Variants in KRTAP24-1 observed in about 807,000 individuals in gnomAD.
KRTAP24-1 encodes keratin associated protein 24-1, also known as keratin-associated protein 24-1.
For missense variants in KRTAP24-1, 344 were observed against 303.2 expected, an observed-to-expected ratio of 1.13 and a Z score of -1.00; for synonymous variants, 133 against 116.3, an observed-to-expected ratio of 1.14 and a Z score of -0.92.
In KRTAP24-1 at chr21:30,282,647, T is replaced by C. The variant is rs755743009; in HGVS notation, c.286A>G (p.Asn96Asp). The change falls in exon 1 of 1, where the codon AAC (asparagine) becomes GAC (aspartate). Residue 96 changes from asparagine to aspartate, a missense_variant. Coordinates refer to ENST00000340345, the MANE Select transcript of KRTAP24-1 (RefSeq NM_001085455.3). ...AAGACTTGGCCTGCTGATGGGGAGT[T>C]GCAGGGCACAGAGGAGTTTGACGGG... ...CDPSNSSVPC[N>D]SPSAGQVFSV... 6 of 1,594,682 alleles carry C rather than the reference T, an allele frequency of 3.8e-6. No homozygotes were observed. Among genetic ancestry groups the C allele is most frequent in the Non-Finnish European group, 5.1e-6 (6 of 1,170,364 alleles).
In KRTAP24-1 at chr21:30,282,400, T is replaced by C; in HGVS notation, c.533A>G (p.Tyr178Cys). The C allele has an allele frequency of 6.2e-7, 1 of 1,614,146 alleles. No homozygotes were observed. Among genetic ancestry groups the C allele is most frequent in the Non-Finnish European group, 8.5e-7 (1 of 1,180,010 alleles). ...GCTGGGTATGAAGCAAGGATTTTGG[T>C]AGCTTTTATACCCCAAAGTACTCAA... ...CRLSTLGYKS[Y>C]QNPCFIPSYV... Residue 178 changes from tyrosine to cysteine, a missense_variant, in exon 1 of 1, where the codon TAC becomes TGC. Transcript: ENST00000340345.
chr21:30,282,087 A>C lies in KRTAP24-1; in HGVS notation c.*81T>G. ...ATTCTTAGGCTGAATAAAGAGATTC[A>C]GCAGAAAATTAGACGTTCTAGTACT... On this transcript the variant is annotated 3_prime_UTR_variant, in exon 1 of 1. Transcript: ENST00000340345. The C allele has an allele frequency of 7.5e-7, 1 of 1,336,258 alleles. No individual in the cohort carries two copies. The allele number at this position is 1,336,258 out of a possible 1,614,324, so 82.8% of individuals were successfully genotyped here. A position where few individuals can be genotyped will look rare whatever the true frequency, so the allele number is the denominator to read the frequency against.
rs1980698578 is a variant in KRTAP24-1, at chr21:30,281,463, A to G, written c.*705T>C. ...ACAGTATTTGTTCTTCTTTCAACAAATAATTTTCATGCTTTAGCTAATTCT... is the reference window on the plus strand; with the variant it reads ...ACAGTATTTGTTCTTCTTTCAACAAGTAATTTTCATGCTTTAGCTAATTCT... On this transcript the variant is annotated 3_prime_UTR_variant, in exon 1 of 1. Coordinates refer to ENST00000340345, the MANE Select transcript of KRTAP24-1 (RefSeq NM_001085455.3). 1.3e-5 allele frequency: 2 copies of G among 152,222 alleles called. No individual in the cohort carries two copies. The highest frequency in any genetic ancestry group is 1.3e-4 in the Admixed American group (2 of 15,278). 9.4% of individuals were successfully genotyped at this position (152,222 alleles called of 1,614,324 possible).
rs1980751923 is a variant in KRTAP24-1 at position 30,282,702 on chromosome 21, C to A, written c.231G>T (p.Glu77Asp). 6.2e-7 allele frequency: 1 copy of A among 1,612,882 alleles called. No individual in the cohort carries two copies. The highest frequency in any genetic ancestry group is 2.2e-5 in the East Asian group (1 of 44,866). Residue 77 changes from glutamate (E) to aspartate (D), a missense_variant, in exon 1 of 1, where the codon GAG becomes GAT. Physicochemically the swap from Glu to Asp is conservative, Grantham distance 45. Coordinates refer to ENST00000340345, the MANE Select transcript of KRTAP24-1 (RefSeq NM_001085455.3). ...EAPTCKSPSC[E>D]PKTCSTTGCD... Reference sequence around the variant, plus strand: ...AACCAGTGGTACTGCAGGTCTTGGGCTCACAGCTGGGAGATTTGCAGGTTG... The same window carrying A: ...AACCAGTGGTACTGCAGGTCTTGGGATCACAGCTGGGAGATTTGCAGGTTG...
At position 30,282,937 on chromosome 21, in the gene KRTAP24-1, A is replaced by G. The variant is rs1260860056; in HGVS notation, c.-5T>C. The G allele has an allele frequency of 6.2e-7, 1 of 1,602,098 alleles. No homozygotes were observed. The highest frequency in any genetic ancestry group is 8.5e-7 in the Non-Finnish European group (1 of 1,174,038). ...AGACATGGAGCCTGCAGGCATGCTC[A>G]GTGGTCGCTGTGCAGTGTGTCTGTG... On this transcript the variant is annotated 5_prime_UTR_variant, in exon 1 of 1. Transcript: ENST00000340345.
Position 30,282,889 on chromosome 21 carries a change from C to A in KRTAP24-1, c.44G>T (p.Cys15Phe), listed in dbSNP as rs775490770. Residue 15 changes from cysteine (C) to phenylalanine (F), a missense_variant, in exon 1 of 1, where the codon TGC (cysteine) becomes TTC (phenylalanine). Physicochemically the swap from Cys to Phe is radical, Grantham distance 205. Transcript: ENST00000340345. ...SMSTTGYPGVCSTTSYRTHCY... is the reference protein window; with the variant it reads ...SMSTTGYPGVFSTTSYRTHCY... ...GTGAGTTCTGTATGATGTGGTACTGCAGACCCCAGGATAGCCTGTAGTAGA... is the reference window on the plus strand; with the variant it reads ...GTGAGTTCTGTATGATGTGGTACTGAAGACCCCAGGATAGCCTGTAGTAGA... 3.1e-6 allele frequency: 5 copies of A among 1,613,560 alleles called. No homozygotes were observed. Among genetic ancestry groups the A allele is most frequent in the African/African-American group, 1.3e-5 (1 of 75,020 alleles).
In KRTAP24-1 at chr21:30,282,057, A is replaced by T; in HGVS notation, c.*111T>A. 9.0e-7 allele frequency: 1 copy of T among 1,115,362 alleles called. No homozygotes were observed. The highest frequency in any genetic ancestry group is 2.4e-5 in the East Asian group (1 of 42,184). The allele number at this position is 1,115,362 out of a possible 1,614,324, so 69.1% of individuals were successfully genotyped here. On this transcript the variant is annotated 3_prime_UTR_variant, in exon 1 of 1. Coordinates refer to ENST00000340345, the MANE Select transcript of KRTAP24-1 (RefSeq NM_001085455.3). ...GGGAGTTGTATTTGAACTTAATGTAACAAGATTCTTAGGCTGAATAAAGAG... is the reference window on the plus strand; with the variant it reads ...GGGAGTTGTATTTGAACTTAATGTATCAAGATTCTTAGGCTGAATAAAGAG...
At position 30,282,371 on chromosome 21, in the gene KRTAP24-1, C is replaced by T. The variant is rs200135144; in HGVS notation, c.562G>A (p.Val188Ile). Residue 188 changes from valine to isoleucine, a missense_variant, in exon 1 of 1, where the codon GTC (valine) becomes ATC (isoleucine). Coordinates refer to ENST00000340345, the MANE Select transcript of KRTAP24-1 (RefSeq NM_001085455.3). ...YQNPCFIPSYVSPLCYISNSC... is the reference protein window; with the variant it reads ...YQNPCFIPSYISPLCYISNSC... ...TTGGAAATATAACATAATGGTGAGA[C>T]GTAGCTGGGTATGAAGCAAGGATTT... 22 of 1,613,878 alleles carry T rather than the reference C, an allele frequency of 1.4e-5. No individual in the cohort carries two copies. The East Asian group carries it at 2.0e-4, about 15-fold the overall frequency.
chr21:30,282,371 CGTAGCTGG>C, the KRTAP24-1 span: 5 of 1,613,882 alleles, frequency 3.1e-6, no homozygotes, highest in Admixed American at 1.7e-5. Flanking sequence ...AATGGTGAGA[CGTAGCTGG>C]GTATGAAGCA....
At position 30,282,833 on chromosome 21, in the gene KRTAP24-1, G is replaced by C. The variant is rs781717496; in HGVS notation, c.100C>G (p.Leu34Val). Reference protein sequence around the residue: ...CYIPVTSSVTLSSSDLSPTFG... With the variant: ...CYIPVTSSVTVSSSDLSPTFG... Reference sequence around the variant, plus strand: ...GTAGGGCTTAAATCACTGGAGCTAAGAGTAACAGAAGAGGTCACTGGGATA... The same window carrying C: ...GTAGGGCTTAAATCACTGGAGCTAACAGTAACAGAAGAGGTCACTGGGATA... The change falls in exon 1 of 1, where the codon CTT becomes GTT. Residue 34 changes from leucine to valine, a missense_variant. Leu to Val is a conservative substitution (Grantham distance 32, BLOSUM62 1). Coordinates refer to ENST00000340345, the MANE Select transcript of KRTAP24-1 (RefSeq NM_001085455.3). 1 of 1,613,968 alleles carries C rather than the reference G, an allele frequency of 6.2e-7. No homozygotes were observed. Among genetic ancestry groups the C allele is most frequent in the Non-Finnish European group, 8.5e-7 (1 of 1,179,852 alleles).
In KRTAP24-1 at chr21:30,282,321, T is replaced by A. The variant is rs372258732; in HGVS notation, c.612A>T (p.Leu204Phe). The A allele has an allele frequency of 5.6e-6, 9 of 1,614,042 alleles. No homozygotes were observed. In the African/African-American group the frequency reaches 1.2e-4, roughly 22 times the overall value. The change falls in exon 1 of 1, where the codon TTA (leucine) becomes TTT (phenylalanine). Residue 204 changes from leucine (L) to phenylalanine (F), a missense_variant. Coordinates refer to ENST00000340345, the MANE Select transcript of KRTAP24-1 (RefSeq NM_001085455.3). ...AGCTTGAATAGTGATAATTTCTCAC[T>A]AAATAGCTTTGGGGTTGGCAGCTGT... ...ISNSCQPQSY[L>F]VRNYHYSSYR...
At position 30,282,415 on chromosome 21, in the gene KRTAP24-1, A is replaced by G. The variant is rs1335281634; in HGVS notation, c.518T>C (p.Leu173Ser). Residue 173 changes from leucine to serine, a missense_variant, in exon 1 of 1, where the codon TTG (leucine) becomes TCG (serine). Coordinates refer to ENST00000340345, the MANE Select transcript of KRTAP24-1 (RefSeq NM_001085455.3). Reference sequence around the variant, plus strand: ...AGGATTTTGGTAGCTTTTATACCCCAAAGTACTCAATCTGCAGTGGTTTAG... The same window carrying G: ...AGGATTTTGGTAGCTTTTATACCCCGAAGTACTCAATCTGCAGTGGTTTAG... Reference protein sequence around the residue: ...QTLNHCRLSTLGYKSYQNPCF... With the variant: ...QTLNHCRLSTSGYKSYQNPCF... 1.9e-6 allele frequency: 3 copies of G among 1,614,066 alleles called. No individual in the cohort carries two copies. The highest frequency in any genetic ancestry group is 2.7e-5 in the African/African-American group (2 of 74,928).
In KRTAP24-1 at chr21:30,281,928, A is replaced by G. The variant is rs998872731; in HGVS notation, c.*240T>C. 3.6e-5 allele frequency: 17 copies of G among 471,142 alleles called. No homozygotes were observed. In the South Asian group the frequency reaches 4.4e-4, roughly 12 times the overall value. 29.2% of individuals were successfully genotyped at this position (471,142 alleles called of 1,614,324 possible). ...AAGTCCATTGTAATAAATCTCAGAA[A>G]TAATGATGTTACCTTCAGGGTCAGC... On this transcript the variant is annotated 3_prime_UTR_variant, in exon 1 of 1. Coordinates refer to ENST00000340345, the MANE Select transcript of KRTAP24-1 (RefSeq NM_001085455.3).
In KRTAP24-1 at chr21:30,282,378, G is replaced by A. The variant is rs778933783; in HGVS notation, c.555C>T (p.Pro185=). The change falls in exon 1 of 1, where the codon CCC becomes CCT. Residue 185 remains proline, a synonymous_variant. Coordinates refer to ENST00000340345, the MANE Select transcript of KRTAP24-1 (RefSeq NM_001085455.3). ...YKSYQNPCFI[P]SYVSPLCYIS... is the part of the protein sequence containing the mutation. ...TATAACATAATGGTGAGACGTAGCT[G>A]GGTATGAAGCAAGGATTTTGGTAGC... 16 of 1,614,000 alleles carry A rather than the reference G, an allele frequency of 9.9e-6. No homozygotes were observed. In the African/African-American group the frequency reaches 1.7e-4, roughly 18 times the overall value.
At chr21:30,282,473 G>A in the KRTAP24-1 span, 1 of 1,614,136 alleles carries the variant, frequency 6.2e-7, no homozygotes, top group South Asian at 1.1e-5. Context: ...CAGTTAAGTT[G>A]TCCAAAGCAG....
At position 30,282,453 on chromosome 21, in the gene KRTAP24-1, C is replaced by G. The variant is rs1245006381; in HGVS notation, c.480G>C (p.Lys160Asn). 15 of 1,613,980 alleles carry G rather than the reference C, an allele frequency of 9.3e-6. No homozygotes were observed. The highest frequency in any genetic ancestry group is 8.9e-5 in the East Asian group (4 of 44,898). ...TGCAGTGGTTTAGAGTTTGGAAACT[C>G]TTGGATAAGCAGTTAAGTTGTCCAA... ...NCFGQLNCLS[K>N]SFQTLNHCRL... Residue 160 changes from lysine (K) to asparagine (N), a missense_variant, in exon 1 of 1, where the codon AAG becomes AAC. Lys to Asn is a moderately conservative substitution (Grantham distance 94). Transcript: ENST00000340345.
Position 30,282,922 on chromosome 21 carries a change from C to G in KRTAP24-1, c.11G>C (p.Gly4Ala), listed in dbSNP as rs1241957991. Residue 4 changes from glycine (G) to alanine (A), a missense_variant, in exon 1 of 1, where the codon GGC becomes GCC. Transcript: ENST00000340345. Reference protein sequence around the residue: MPAGSMSTTGYPGV... With the variant: MPAASMSTTGYPGV... ...AGGATAGCCTGTAGTAGACATGGAG[C>G]CTGCAGGCATGCTCAGTGGTCGCTG... 3 of 1,608,836 alleles carry G rather than the reference C, an allele frequency of 1.9e-6. No individual in the cohort carries two copies. Among genetic ancestry groups the G allele is most frequent in the Admixed American group, 1.7e-5 (1 of 59,738 alleles).
chr21:30,282,442 G>A lies in KRTAP24-1; in HGVS notation c.491C>T (p.Thr164Ile). ...QLNCLSKSFQTLNHCRLSTLG... is the reference protein window; with the variant it reads ...QLNCLSKSFQILNHCRLSTLG... ...AGTACTCAATCTGCAGTGGTTTAGA[G>A]TTTGGAAACTCTTGGATAAGCAGTT... Residue 164 changes from threonine to isoleucine, a missense_variant, in exon 1 of 1, where the codon ACT (threonine) becomes ATT (isoleucine). Coordinates refer to ENST00000340345, the MANE Select transcript of KRTAP24-1 (RefSeq NM_001085455.3). 1 of 1,614,156 alleles carries A rather than the reference G, an allele frequency of 6.2e-7. No individual in the cohort carries two copies. The highest frequency in any genetic ancestry group is 8.5e-7 in the Non-Finnish European group (1 of 1,180,004).
chr21:30,282,905 C>T lies in KRTAP24-1; in HGVS notation c.28G>A (p.Gly10Ser). ...GTGGTACTGCAGACCCCAGGATAGCCTGTAGTAGACATGGAGCCTGCAGGC... is the reference window on the plus strand; with the variant it reads ...GTGGTACTGCAGACCCCAGGATAGCTTGTAGTAGACATGGAGCCTGCAGGC... MPAGSMSTT[G>S]YPGVCSTTSY... is the part of the protein sequence containing the mutation. Residue 10 changes from glycine to serine, a missense_variant, in exon 1 of 1, where the codon GGC becomes AGC. Gly to Ser is a moderately conservative substitution (Grantham distance 56). Coordinates refer to ENST00000340345, the MANE Select transcript of KRTAP24-1 (RefSeq NM_001085455.3). The T allele has an allele frequency of 6.2e-7, 1 of 1,611,762 alleles. No homozygotes were observed. The highest frequency in any genetic ancestry group is 8.5e-7 in the Non-Finnish European group (1 of 1,178,846).
Sources: allele counts gnomAD v4.1 joint callset, GRCh38; gene constraint gnomAD v4.1.1; transcripts MANE v1.5; gene names NCBI Gene and HGNC (gene_info 2026-07-23, HGNC 2026-07-21).